The following BACE2 variants were observed in gnomAD, a reference collection of about 807,000 sequenced individuals.
The protein encoded by BACE2 is beta-secretase 2.
BACE2 carries 17 observed loss-of-function variants against 46.2 expected under a neutral mutation model. The ratio of observed to expected loss-of-function variants is 0.37; its 90% CI spans 0.25 to 0.55. The LOEUF is 0.55. BACE2 is among the 20% of genes least tolerant of loss of function. The probability of loss-of-function intolerance (pLI) is 0.82; values close to 1 mark genes in which losing one functional copy is unlikely to be tolerated. For synonymous variants in BACE2, 277 were observed against 295.9 expected, an observed-to-expected ratio of 0.94 and a Z score of 0.66; for missense variants, 595 against 698.1, an observed-to-expected ratio of 0.85 and a Z score of 1.66.
chr21:41,192,782 C>T (rs1317694250), intron 1 of BACE2, among the ~76,000 whole-genome samples: 1 of 152,220 alleles, frequency 6.6e-6, no homozygotes, highest in Non-Finnish European at 1.5e-5. Context: ...AATTGGCAGC[C>T]TTTCGGCTCA....
chr21:41,213,248 A>T (rs112348033), intron 1 of BACE2, among the ~76,000 whole-genome samples: 16 of 152,316 alleles, frequency 1.1e-4, no homozygotes, highest in Middle Eastern at 6.8e-3. Flanking sequence ...AAGACACGAG[A>T]CAACCCTAGA....
At chr21:41,245,180 T>C (rs932435709) in intron 5 of BACE2, among the ~76,000 whole-genome samples, 4 of 152,280 alleles carry the variant, frequency 2.6e-5, no homozygotes, top group African/African-American at 7.2e-5. Flanking sequence ...TACATTGGTA[T>C]ATTTCATTTT....
At chr21:41,198,598 C>T (rs1376836529) in intron 1 of BACE2, among the ~76,000 whole-genome samples, 1 of 152,230 alleles carries the variant, frequency 6.6e-6, no homozygotes, top group East Asian at 1.9e-4. Flanking sequence ...TAAATATCAG[C>T]TTCCAACAGG....
At position 41,275,900 on chromosome 21, in the gene BACE2, G is replaced by A; in HGVS notation, c.*276G>A. ...CTGCAGGCTCTATGGGGTTCGTTAT[G>A]CCAAAGTGTCTACATGTGCCACCAA... On this transcript the variant is annotated 3_prime_UTR_variant, in exon 9 of 9. Transcript: ENST00000330333. 2.3e-6 allele frequency: 1 copy of A among 434,852 alleles called. No individual in the cohort carries two copies. Among genetic ancestry groups the A allele is most frequent in the South Asian group, 3.2e-5 (1 of 31,030 alleles). 26.9% of individuals were successfully genotyped at this position (434,852 alleles called of 1,614,324 possible). A position where few individuals can be genotyped will look rare whatever the true frequency, so the allele number is the denominator to read the frequency against.
At chr21:41,231,059 A>G (rs1355795324) in intron 2 of BACE2, among the ~76,000 whole-genome samples, 1 of 152,158 alleles carries the variant, frequency 6.6e-6, no homozygotes, top group Non-Finnish European at 1.5e-5. Flanking sequence ...ATTTTCCTCA[A>G]CTAATGTTTG....
At chr21:41,179,621 T>A (rs1212358319) in intron 1 of BACE2, 1 of 1,366,490 alleles carries the variant, frequency 7.3e-7, no homozygotes, top group African/African-American at 1.5e-5. Context: ...GCGCAGCAAC[T>A]CTTTCATCTA....
At chr21:41,217,236 G>C (rs764258038) in intron 1 of BACE2, among the ~76,000 whole-genome samples, 5 of 152,156 alleles carry the variant, frequency 3.3e-5, no homozygotes, top group Non-Finnish European at 5.9e-5. Flanking sequence ...GCCCAATCTA[G>C]AGCTGTTCTT....
chr21:41,208,364 C>T (rs1394319193), intron 1 of BACE2, among the ~76,000 whole-genome samples: 1 of 152,226 alleles, frequency 6.6e-6, no homozygotes, highest in Non-Finnish European at 1.5e-5. Context: ...CAGGTGCCTG[C>T]ACCTTCTGGG....
At chr21:41,194,334 A>G (rs1985671164) in intron 1 of BACE2, among the ~76,000 whole-genome samples, 1 of 152,108 alleles carries the variant, frequency 6.6e-6, no homozygotes, top group Non-Finnish European at 1.5e-5. Flanking sequence ...AGTTTTTGAA[A>G]CATGGCAGGG....
chr21:41,178,991 T>C, intron 1 of BACE2: 1 of 829,222 alleles, frequency 1.2e-6, no homozygotes, highest in Non-Finnish European at 1.6e-6. Flanking sequence ...TGAGATGAGA[T>C]TGGCTTGAGG....
In BACE2 at chr21:41,280,824, T is replaced by C. The variant is rs780944405; in HGVS notation, c.*5200T>C. 7 of 152,264 alleles carry C rather than the reference T, an allele frequency of 4.6e-5. No individual in the cohort carries two copies. The highest frequency in any genetic ancestry group is 7.2e-5 in the African/African-American group (3 of 41,464). 9.4% of individuals were successfully genotyped at this position (152,264 alleles called of 1,614,324 possible). A position where few individuals can be genotyped will look rare whatever the true frequency, so the allele number is the denominator to read the frequency against. On this transcript the variant is annotated 3_prime_UTR_variant, in exon 9 of 9. Coordinates refer to ENST00000330333, the MANE Select transcript of BACE2 (RefSeq NM_012105.5). ...CTCTGGGTTTCTTATCAGCAGCTAT[T>C]ACACACAGATGTCCAGTGCTTCTAA...
chr21:41,181,362 C>T (rs1289106073), intron 1 of BACE2: 1 of 167,066 alleles, frequency 6.0e-6, no homozygotes, highest in East Asian at 1.9e-4. Context: ...TCCACCTGTT[C>T]TCATGGTGGT....
In BACE2 at chr21:41,278,504, G is replaced by A. The variant is rs2088512836; in HGVS notation, c.*2880G>A. ...CGAGGGGAGTGTTTTTCCACAACAGGTTCCACTTCTGAACACTTGGAAGGA... is the reference window on the plus strand; with the variant it reads ...CGAGGGGAGTGTTTTTCCACAACAGATTCCACTTCTGAACACTTGGAAGGA... On this transcript the variant is annotated 3_prime_UTR_variant, in exon 9 of 9. Coordinates refer to ENST00000330333, the MANE Select transcript of BACE2 (RefSeq NM_012105.5). 6.6e-6 allele frequency: 1 copy of A among 152,190 alleles called. No homozygotes were observed. The highest frequency in any genetic ancestry group is 2.4e-5 in the African/African-American group (1 of 41,436). 9.4% of individuals were successfully genotyped at this position (152,190 alleles called of 1,614,324 possible).
intron 2 of BACE2, among the ~76,000 whole-genome samples, chr21:41,236,230 C>A (rs1005266560): frequency 6.6e-6 from 1 of 152,158 alleles, no homozygotes; most frequent in Non-Finnish European, 1.5e-5. Flanking sequence ...GCCATGACAC[C>A]TGCTGTCCTC....
intron 8 of BACE2, among the ~76,000 whole-genome samples, chr21:41,275,153 A>G (rs1003058649): frequency 6.6e-6 from 1 of 152,044 alleles, no homozygotes; most frequent in African/African-American, 2.4e-5. Context: ...CGGTACCCAC[A>G]CACCTTAAAA....
chr21:41,200,782 G>A lies in BACE2; in HGVS notation c.313-25484G>A, dbSNP rs192494667. On this transcript the variant is annotated intron_variant, in intron 1 of 8. Transcript: ENST00000330333. ...GCCATGTGAAGAAGCAGCAAGAGGAGCAAGAGGACGGCCATCTGCAAGCCA... is the reference window on the plus strand; with the variant it reads ...GCCATGTGAAGAAGCAGCAAGAGGAACAAGAGGACGGCCATCTGCAAGCCA... 3.9e-5 allele frequency among the ~76,000 whole-genome samples: 6 copies of A among 152,324 alleles called. No individual in the cohort carries two copies. The East Asian group carries it at 9.7e-4, about 25-fold the overall frequency.
chr21:41,213,244 C>T (rs144715083), intron 1 of BACE2, among the ~76,000 whole-genome samples: 3 of 152,234 alleles, frequency 2.0e-5, no homozygotes, highest in Non-Finnish European at 2.9e-5. Flanking sequence ...ATAAAAGACA[C>T]GAGACAACCC....
At chr21:41,261,445 C>A (rs1405270784) in intron 8 of BACE2, among the ~76,000 whole-genome samples, 3 of 152,006 alleles carry the variant, frequency 2.0e-5, no homozygotes, top group Non-Finnish European at 4.4e-5. Context: ...ATTTTTCTAC[C>A]CATACTTTTT....
In BACE2 at chr21:41,168,255, G is replaced by T; in HGVS notation, c.-9G>T. The T allele has an allele frequency of 5.1e-6, 6 of 1,167,836 alleles. No individual in the cohort carries two copies. Among genetic ancestry groups the T allele is most frequent in the Non-Finnish European group, 6.3e-6 (6 of 947,900 alleles). The allele number at this position is 1,167,836 out of a possible 1,614,324, so 72.3% of individuals were successfully genotyped here. A position where few individuals can be genotyped will look rare whatever the true frequency, so the allele number is the denominator to read the frequency against. On this transcript the variant is annotated 5_prime_UTR_variant, in exon 1 of 9. Transcript: ENST00000330333. ...AGGCTGGGCGCGCCCCCCGGGCCCCGCCGTGGGCATGGGCGCACTGGCCCG... is the reference window on the plus strand; with the variant it reads ...AGGCTGGGCGCGCCCCCCGGGCCCCTCCGTGGGCATGGGCGCACTGGCCCG...
Sources: allele counts gnomAD v4.1 joint callset (sites outside exome capture counted in the v4.1 genomes callset), GRCh38; gene constraint gnomAD v4.1.1; transcripts MANE v1.5; gene names NCBI Gene and HGNC (gene_info 2026-07-23, HGNC 2026-07-21).